Variants in ATF6 observed in about 807,000 individuals in gnomAD.
ATF6 encodes the protein activating transcription factor 6.
ATF6 carries 53 observed loss-of-function variants against 83.6 expected under a neutral mutation model. The observed-to-expected ratio is 0.63, with a 90% CI of 0.51 to 0.80. The LOEUF (loss-of-function observed/expected upper bound fraction) is 0.80. Ranked by LOEUF, ATF6 falls within the 30% of genes least tolerant of loss-of-function variation. The probability of loss-of-function intolerance (pLI) is 0.00; values close to 1 mark genes in which losing one functional copy is unlikely to be tolerated. For missense variants in ATF6, 744 were observed against 797.9 expected, an observed-to-expected ratio of 0.93 and a Z score of 0.81; for synonymous variants, 288 against 285.8, an observed-to-expected ratio of 1.01 and a Z score of -0.08.
rs554952834 is a variant in ATF6, at chr1:161,790,863, C to T, written c.355-545C>T. Among the ~76,000 whole-genome samples the T allele has an allele frequency of 4.7e-4, 72 of 152,074 alleles. 2 individuals are homozygous for T. In the South Asian group the frequency reaches 0.015, roughly 31 times the overall value. On this transcript the variant is annotated intron_variant, in intron 4 of 15. Coordinates refer to ENST00000367942, the MANE Select transcript of ATF6 (RefSeq NM_007348.4). ...AACAACAACAAAGCACTGCTCCATT[C>T]ATGCATCTTTCTTTTACAACATTTG...
intron 12 of ATF6, among the ~76,000 whole-genome samples, chr1:161,856,582 T>C (rs1463241418): frequency 6.6e-6 from 1 of 152,196 alleles, no homozygotes; most frequent in Non-Finnish European, 1.5e-5. Context: ...GTTTGAGCGA[T>C]ATAGGTTTCA....
intron 10 of ATF6, 124 bp from the exon 11 acceptor site, chr1:161,851,598 C>A (rs990869520): frequency 8.3e-5 from 48 of 576,414 alleles, no homozygotes; most frequent in African/African-American, 7.2e-4. Context: ...CTTTATCTTG[C>A]AGTATATTCT....
At chr1:161,914,879 C>G (rs1688061799) in intron 15 of ATF6, among the ~76,000 whole-genome samples, 2 of 152,176 alleles carry the variant, frequency 1.3e-5, no homozygotes, top group Admixed American at 1.3e-4. Context: ...AAACCCAGCT[C>G]TTCTCTCTAT....
intron 12 of ATF6, among the ~76,000 whole-genome samples, chr1:161,854,367 A>G (rs910439149): frequency 6.6e-6 from 1 of 152,232 alleles, no homozygotes; most frequent in Non-Finnish European, 1.5e-5. Context: ...ATGTTAGGGA[A>G]GAAAGAGTTT....
chr1:161,837,940 C>A (rs573245727), intron 9 of ATF6, among the ~76,000 whole-genome samples: 9 of 152,278 alleles, frequency 5.9e-5, no homozygotes, highest in Admixed American at 3.9e-4. Flanking sequence ...GATGAGGAAA[C>A]CGAAGACACA....
intron 1 of ATF6, among the ~76,000 whole-genome samples, chr1:161,767,219 TG>T (rs553176538): frequency 6.0e-4 from 92 of 152,248 alleles, no homozygotes; most frequent in African/African-American, 2.1e-3. Context: ...GGTTCCCAAA[TG>T]GGCCCGCTAG....
intron 7 of ATF6, among the ~76,000 whole-genome samples, chr1:161,816,997 C>A (rs1329785782): frequency 6.6e-6 from 1 of 152,030 alleles, no homozygotes; most frequent in African/African-American, 2.4e-5. Context: ...CTGTCTTTAT[C>A]CTCTGTATTT....
intron 9 of ATF6, 152 bp downstream of exon 9, chr1:161,821,313 T>C (rs780238612): frequency 3.6e-6 from 2 of 548,326 alleles, no homozygotes; most frequent in Non-Finnish European, 6.4e-6. Flanking sequence ...AAAGATCTCA[T>C]GATCCAGCTG....
chr1:161,884,995 T>G (rs1382584401), intron 14 of ATF6, among the ~76,000 whole-genome samples: 1 of 152,064 alleles, frequency 6.6e-6, no homozygotes. Flanking sequence ...TAAATGGAGG[T>G]GTCTATAGAG....
rs930106410 is a variant in ATF6 at position 161,853,212 on chromosome 1, T to C, written c.1434-12T>C. The stretch of plus-strand genomic sequence containing the variant: ...AATTTCTATGTTTAATTAATTAAAC[T>C]ATATTTTATAGGTTAAATCATGAAC... On this transcript the variant is annotated splice_polypyrimidine_tract_variant and intron_variant, in intron 11 of 15. Coordinates refer to ENST00000367942, the MANE Select transcript of ATF6 (RefSeq NM_007348.4). The C allele has an allele frequency of 6.6e-7, 1 of 1,511,610 alleles. No homozygotes were observed. Among genetic ancestry groups the C allele is most frequent in the Non-Finnish European group, 9.1e-7 (1 of 1,100,762 alleles). The allele number at this position is 1,511,610 out of a possible 1,614,324, so 93.6% of individuals were successfully genotyped here.
At chr1:161,801,522 T>G (rs997329751) in intron 6 of ATF6, among the ~76,000 whole-genome samples, 20 of 152,118 alleles carry the variant, frequency 1.3e-4, no homozygotes, top group African/African-American at 4.8e-4. Context: ...CTCAAACTGC[T>G]GGCCTCCCAA....
rs71301060 is a variant in ATF6 at position 161,940,559 on chromosome 1, C to CTTTTTTTTTTTTTT, written c.1805-17883_1805-17870dup. 3.4e-5 allele frequency among the ~76,000 whole-genome samples: 4 copies of CTTTTTTTTTTTTTT among 118,424 alleles called. 1 individual carries two copies. The highest frequency in any genetic ancestry group is 3.5e-5 in the Non-Finnish European group (2 of 57,850). The allele number at this position is 118,424 out of a possible 152,430, so 77.7% of individuals were successfully genotyped here. ...GTCTCAAGTGTCACCTCCTTCAGAT[C>CTTTTTTTTTTTTTT]TTTTTTTTTTTTTTTTTGAGACAGA... On this transcript the variant is annotated intron_variant, in intron 15 of 15. Coordinates refer to ENST00000367942, the MANE Select transcript of ATF6 (RefSeq NM_007348.4).
intron 15 of ATF6, among the ~76,000 whole-genome samples, chr1:161,917,420 CA>C (rs1334875988): frequency 1.1e-5 from 1 of 94,052 alleles, no homozygotes; most frequent in Non-Finnish European, 2.3e-5. Context: ...ATTTTATACA[CA>C]ATTTTTTTTT....
At chr1:161,838,662 A>G (rs950246404) in intron 9 of ATF6, among the ~76,000 whole-genome samples, 2 of 152,216 alleles carry the variant, frequency 1.3e-5, no homozygotes, top group African/African-American at 4.8e-5. Flanking sequence ...AATAAGCATC[A>G]TCTATTAGAA....
intron 13 of ATF6, among the ~76,000 whole-genome samples, chr1:161,861,216 C>A (rs75983824): frequency 6.6e-6 from 1 of 152,148 alleles, no homozygotes; most frequent in Admixed American, 6.5e-5. Flanking sequence ...AGCTCTACCA[C>A]ACATTTGCAG....
intron 1 of ATF6, 40 bp downstream of exon 1, chr1:161,766,482 C>T (rs113060703): frequency 0.016 from 24,798 of 1,597,154 alleles, 238 homozygotes; most frequent in Middle Eastern, 0.023. Context: ...GGCTCGGGTT[C>T]GCGTCTAAAG....
intron 9 of ATF6, among the ~76,000 whole-genome samples, chr1:161,827,259 T>G (rs1685926901): frequency 6.6e-6 from 1 of 152,170 alleles, no homozygotes; most frequent in African/African-American, 2.4e-5. Flanking sequence ...TGCAAGGCTA[T>G]GATCTTCTCT....
At position 161,766,340 on chromosome 1, in the gene ATF6, C is replaced by G; in HGVS notation, c.-21C>G. 6.2e-7 allele frequency: 1 copy of G among 1,611,510 alleles called. No homozygotes were observed. The highest frequency in any genetic ancestry group is 1.1e-5 in the South Asian group (1 of 90,766). ...GTCCCAGATATTAATCACGGAGTTCCAGGGAGAAGGAACTTGTGAAATGGG... is the reference window on the plus strand; with the variant it reads ...GTCCCAGATATTAATCACGGAGTTCGAGGGAGAAGGAACTTGTGAAATGGG... On this transcript the variant is annotated 5_prime_UTR_variant, in exon 1 of 16. Coordinates refer to ENST00000367942, the MANE Select transcript of ATF6 (RefSeq NM_007348.4).
At chr1:161,944,778 A>G (rs1236348698) in intron 15 of ATF6, among the ~76,000 whole-genome samples, 1 of 152,236 alleles carries the variant, frequency 6.6e-6, no homozygotes, top group Non-Finnish European at 1.5e-5. Flanking sequence ...GGAACTAAAT[A>G]TGCAATAATG....
Sources: allele counts gnomAD v4.1 joint callset (sites outside exome capture counted in the v4.1 genomes callset), GRCh38; gene constraint gnomAD v4.1.1; transcripts MANE v1.5; gene names NCBI Gene and HGNC (gene_info 2026-07-23, HGNC 2026-07-21).